CORIN: variants seen among roughly 807,000 people sequenced by gnomAD.
CORIN encodes corin, serine peptidase, also known as atrial natriuretic peptide-converting enzyme.
A neutral mutation model predicts 125.3 loss-of-function variants in CORIN; 117 were observed. The observed-to-expected ratio is 0.93, with a 90% confidence interval of 0.80 to 1.09. The LOEUF is 1.09. Ranked by LOEUF, CORIN falls within the 50% of genes least tolerant of loss-of-function variation. The pLI is 0.00. For missense variants in CORIN, 1,253 were observed against 1,306.7 expected (o/e 0.96, Z 0.63); for synonymous variants, 450 against 466.4 (o/e 0.96, Z 0.45).
At chr4:47,812,199 A>G (rs752948018) in intron 1 of CORIN, among the ~76,000 whole-genome samples, 1 of 152,184 alleles carries the variant, frequency 6.6e-6, no homozygotes, top group Non-Finnish European at 1.5e-5. Flanking sequence ...AAAAAAAATT[A>G]TCAACACTAT....
intron 16 of CORIN, 106 bp from the exon 17 acceptor site, chr4:47,626,627 T>C: frequency 2.6e-6 from 2 of 778,884 alleles, no homozygotes; most frequent in East Asian, 2.5e-5. Flanking sequence ...CACTAAATCA[T>C]GTCAACATTT....
At chr4:47,736,719 T>C (rs1473653534) in intron 5 of CORIN, among the ~76,000 whole-genome samples, 3 of 152,228 alleles carry the variant, frequency 2.0e-5, no homozygotes, top group African/African-American at 7.2e-5. Context: ...AGTGAGAACA[T>C]GCCCTAAGAG....
At chr4:47,677,252 T>C (rs78334275) in intron 9 of CORIN, among the ~76,000 whole-genome samples, 306 of 152,270 alleles carry the variant, frequency 2.0e-3, no homozygotes, top group Non-Finnish European at 3.6e-3. Flanking sequence ...AGTCACCATA[T>C]AGTAAGTAGC....
chr4:47,615,784 C>A (rs1722047686), intron 19 of CORIN, among the ~76,000 whole-genome samples: 1 of 152,150 alleles, frequency 6.6e-6, no homozygotes, highest in Non-Finnish European at 1.5e-5. Flanking sequence ...GTTCAAATCA[C>A]CCAGCTTGTG....
At chr4:47,724,178 G>C (rs1260994065) in intron 5 of CORIN, among the ~76,000 whole-genome samples, 3 of 151,922 alleles carry the variant, frequency 2.0e-5, no homozygotes, top group Non-Finnish European at 4.4e-5. Context: ...GTGAATGAAG[G>C]ATAGAAGTTA....
intron 4 of CORIN, among the ~76,000 whole-genome samples, chr4:47,753,330 C>G (rs1171187863): frequency 4.6e-5 from 7 of 152,192 alleles, no homozygotes; most frequent in Non-Finnish European, 1.0e-4. Flanking sequence ...TGATGAGGGT[C>G]TGTTTTCAGC....
At chr4:47,791,016 A>G (rs1382760163) in intron 2 of CORIN, among the ~76,000 whole-genome samples, 2 of 152,232 alleles carry the variant, frequency 1.3e-5, no homozygotes, top group East Asian at 3.8e-4. Flanking sequence ...TGTGGTAGAC[A>G]GAATAATGCT....
rs546190021 is a variant in CORIN at position 47,811,494 on chromosome 4, C to T, written c.64-4447G>A. 7.2e-5 allele frequency among the ~76,000 whole-genome samples: 11 copies of T among 152,304 alleles called. No individual in the cohort carries two copies. In the South Asian group the frequency reaches 1.7e-3, roughly 23 times the overall value. Reference sequence around the variant, plus strand: ...ATTCCTGAGGGCACATCCACATCTGCGAATGGCAGACAATATTTGAGAGCT... The same window carrying T: ...ATTCCTGAGGGCACATCCACATCTGTGAATGGCAGACAATATTTGAGAGCT... On this transcript the variant is annotated intron_variant, in intron 1 of 21. Transcript: ENST00000273857.
intron 10 of CORIN, among the ~76,000 whole-genome samples, chr4:47,669,856 A>G (rs1724663728): frequency 6.6e-6 from 1 of 152,160 alleles, no homozygotes; most frequent in South Asian, 2.1e-4. Context: ...GGCGTGAGCC[A>G]CCGCACCCGG....
intron 5 of CORIN, among the ~76,000 whole-genome samples, chr4:47,736,876 T>G (rs1278562388): frequency 6.6e-6 from 1 of 152,212 alleles, no homozygotes; most frequent in East Asian, 1.9e-4. Context: ...GAGTTTGGTG[T>G]TGCTGAAGCA....
intron 5 of CORIN, among the ~76,000 whole-genome samples, chr4:47,730,500 C>T (rs1285947678): frequency 1.4e-5 from 2 of 146,394 alleles, no homozygotes; most frequent in South Asian, 2.2e-4. Flanking sequence ...AAAAAAAGAG[C>T]TTGCCCACTT....
chr4:47,681,828 C>G (rs955972868), intron 7 of CORIN: 1 of 152,154 alleles, frequency 6.6e-6, no homozygotes, highest in Non-Finnish European at 1.5e-5. Flanking sequence ...GTATATCAAA[C>G]AGACATCTGC....
chr4:47,625,034 C>T (rs1011921581), intron 17 of CORIN, among the ~76,000 whole-genome samples: 2 of 152,048 alleles, frequency 1.3e-5, no homozygotes, highest in African/African-American at 4.8e-5. Flanking sequence ...GCTTTCTACC[C>T]TCCCACAGTC....
At chr4:47,837,651 G>T (rs1263852842) in intron 1 of CORIN, 1 of 629,418 alleles carries the variant, frequency 1.6e-6, no homozygotes, top group Non-Finnish European at 2.8e-6. Context: ...ATGACCCTGG[G>T]AGGGTCTCGG....
intron 19 of CORIN, among the ~76,000 whole-genome samples, chr4:47,610,980 A>T (rs13124282): frequency 0.27 from 40,692 of 151,602 alleles, 5,533 homozygotes; most frequent in Admixed American, 0.35. Context: ...AGTACCATGC[A>T]GTTTTTGGTT....
intron 2 of CORIN, among the ~76,000 whole-genome samples, chr4:47,787,266 A>G (rs548123726): frequency 1.3e-5 from 2 of 152,248 alleles, no homozygotes; most frequent in African/African-American, 4.8e-5. Flanking sequence ...ACACAATAAA[A>G]TGTGGTGAAT....
At position 47,642,866 on chromosome 4, in the gene CORIN, A is replaced by G. The variant is rs775846197; in HGVS notation, c.2068+280T>C. The G allele has an allele frequency of 6.2e-6, 9 of 1,457,368 alleles. No homozygotes were observed. In the Admixed American group the frequency reaches 2.4e-4, roughly 39 times the overall value. The allele number at this position is 1,457,368 out of a possible 1,614,324, so 90.3% of individuals were successfully genotyped here. A position where few individuals can be genotyped will look rare whatever the true frequency, so the allele number is the denominator to read the frequency against. ...TTATTGAAGTTGGGTTTTAATGAAG[A>G]GTTTTTAAATCCTCTCCCAGCAATT... On this transcript the variant is annotated intron_variant, in intron 15 of 21. Coordinates refer to ENST00000273857, the MANE Select transcript of CORIN (RefSeq NM_006587.4).
chr4:47,789,939 A>G lies in CORIN; in HGVS notation c.209-3014T>C, dbSNP rs942364322. On this transcript the variant is annotated intron_variant, in intron 2 of 21. Transcript: ENST00000273857. ...CGGGAGGCTGAGGCAGGAGAATGGC[A>G]TGAACCCGGGAGGTGGAGGTTGCAG... Among the ~76,000 whole-genome samples the G allele has an allele frequency of 9.2e-5, 14 of 152,128 alleles. No homozygotes were observed. In the East Asian group the frequency reaches 9.7e-4, roughly 11 times the overall value.
chr4:47,659,623 AGAGC>A (rs1724155505), intron 12 of CORIN, among the ~76,000 whole-genome samples: 1 of 152,192 alleles, frequency 6.6e-6, no homozygotes, highest in African/African-American at 2.4e-5. Flanking sequence ...ATGTGAACGC[AGAGC>A]AAGAGCTCAC....
Sources: gnomAD v4.1 joint callset for allele counts (sites outside exome capture counted in the v4.1 genomes callset) on GRCh38, gnomAD v4.1.1 for gene constraint, MANE v1.5 for transcripts, NCBI Gene and HGNC (gene_info 2026-07-23, HGNC 2026-07-21) for gene names.